Variants in AGTPBP1 observed in about 807,000 individuals in gnomAD.
The protein encoded by AGTPBP1 is cytosolic carboxypeptidase 1.
A neutral mutation model predicts 143.9 loss-of-function variants in AGTPBP1; 70 were observed. That is an observed-to-expected ratio of 0.49 (90% CI 0.40 to 0.59). The LOEUF (loss-of-function observed/expected upper bound fraction) is 0.59, where lower values mean the gene tolerates loss of function less well. Among genes scored for constraint, AGTPBP1 ranks in the 20% least tolerant of loss-of-function variants. The pLI, the probability that AGTPBP1 is intolerant of heterozygous loss-of-function variation, is 0.00. For synonymous variants in AGTPBP1, 463 were observed against 500.2 expected (o/e 0.93, Z 0.99); for missense variants, 1,229 against 1,464.5 (o/e 0.84, Z 2.62).
At chr9:85,603,151 G>A (rs1320609672) in intron 17 of AGTPBP1, among the ~76,000 whole-genome samples, 1 of 152,182 alleles carries the variant, frequency 6.6e-6, no homozygotes, top group African/African-American at 2.4e-5. Context: ...AATGTGGGGT[G>A]CATGTGGCCC....
rs10117619 is a variant in AGTPBP1, at chr9:85,717,676, C to T, written c.-33-5110G>A. ...AGGCTTCATGAATGGGATGAGTATC[C>T]TTTTTTTTTTTTTTTTAATATACTT... is the stretch of plus-strand genomic sequence containing the variant. On this transcript the variant is annotated intron_variant, in intron 1 of 25. Coordinates refer to ENST00000357081, the MANE Select transcript of AGTPBP1 (RefSeq NM_001330701.2). Among the ~76,000 whole-genome samples, 910 of 135,568 alleles carry T rather than the reference C, an allele frequency of 6.7e-3. 10 individuals are homozygous for T. The highest frequency in any genetic ancestry group is 0.023 in the African/African-American group (839 of 37,184). 88.9% of individuals were successfully genotyped at this position (135,568 alleles called of 152,430 possible).
intron 2 of AGTPBP1, among the ~76,000 whole-genome samples, chr9:85,708,856 C>A (rs62570571): frequency 0.015 from 2,256 of 152,222 alleles, 25 homozygotes; most frequent in Middle Eastern, 0.037. Flanking sequence ...ACTTTAAGAA[C>A]TTGCCACAAA....
chr9:85,725,320 T>G (rs1341772730), intron 1 of AGTPBP1, among the ~76,000 whole-genome samples: 3 of 152,214 alleles, frequency 2.0e-5, no homozygotes, highest in Non-Finnish European at 2.9e-5. Flanking sequence ...AAAAAAAATT[T>G]TTTTAACTTT....
intron 17 of AGTPBP1, among the ~76,000 whole-genome samples, chr9:85,609,851 T>C (rs1347512378): frequency 7.7e-6 from 1 of 129,244 alleles, no homozygotes; most frequent in Non-Finnish European, 1.5e-5. Flanking sequence ...ACCCAGTCTA[T>C]ACTGATAATA....
At chr9:85,645,552 C>A (rs1832761534) in intron 12 of AGTPBP1, among the ~76,000 whole-genome samples, 1 of 152,122 alleles carries the variant, frequency 6.6e-6, no homozygotes, top group African/African-American at 2.4e-5. Context: ...AATATCTTAA[C>A]TTCTATCTCC....
chr9:85,768,092 C>T, the AGTPBP1 span, among the ~76,000 whole-genome samples: 1 of 152,224 alleles, frequency 6.6e-6, no homozygotes, highest in South Asian at 2.1e-4. Flanking sequence ...CGTATCTTGT[C>T]AACCTACACC....
chr9:85,692,859 T>G (rs1564151584), intron 2 of AGTPBP1, 46 bp from the exon 3 acceptor site: 1 of 1,590,380 alleles, frequency 6.3e-7, no homozygotes, highest in Non-Finnish European at 8.6e-7. Flanking sequence ...ATCAATGGTG[T>G]AAATTCAATA....
chr9:85,595,665 T>C (rs757625227), intron 18 of AGTPBP1, among the ~76,000 whole-genome samples: 2 of 152,150 alleles, frequency 1.3e-5, no homozygotes, highest in Non-Finnish European at 2.9e-5. Flanking sequence ...TAGCTGGGAT[T>C]ACAGGTGTGC....
At chr9:85,751,488 T>C in the AGTPBP1 span, among the ~76,000 whole-genome samples, 1 of 152,206 alleles carries the variant, frequency 6.6e-6, no homozygotes. Flanking sequence ...TTATCCATCA[T>C]GGACCAGTAA....
the AGTPBP1 span, among the ~76,000 whole-genome samples, chr9:85,757,360 C>T: frequency 7.9e-5 from 12 of 152,096 alleles, 1 homozygote; most frequent in East Asian, 1.4e-3. Flanking sequence ...CCACCATGCC[C>T]GGCCTTGAGT....
chr9:85,755,006 T>C, the AGTPBP1 span, among the ~76,000 whole-genome samples: 1 of 152,214 alleles, frequency 6.6e-6, no homozygotes. Context: ...TAGTTGCTCT[T>C]TCTCTTCCTA....
At chr9:85,764,267 G>A in the AGTPBP1 span, among the ~76,000 whole-genome samples, 72 of 152,066 alleles carry the variant, frequency 4.7e-4, 1 homozygote, top group African/African-American at 1.3e-3. Context: ...GGTGTCTCAC[G>A]TCTGTAATCT....
chr9:85,710,497 G>A (rs951903647), intron 2 of AGTPBP1, among the ~76,000 whole-genome samples: 6 of 152,072 alleles, frequency 3.9e-5, no homozygotes, highest in Admixed American at 3.9e-4. Flanking sequence ...ATTCTTGTAA[G>A]TTCTCTAACA....
the AGTPBP1 span, among the ~76,000 whole-genome samples, chr9:85,776,636 C>A: frequency 1.3e-5 from 2 of 152,118 alleles, no homozygotes; most frequent in Admixed American, 1.3e-4. Context: ...GGTCAGTCAC[C>A]CCAGCCAATA....
intron 3 of AGTPBP1, among the ~76,000 whole-genome samples, chr9:85,691,870 T>G (rs1267871882): frequency 1.3e-5 from 2 of 152,132 alleles, no homozygotes; most frequent in Non-Finnish European, 2.9e-5. Flanking sequence ...ATAAAAAAAG[T>G]CTAATTACAG....
chr9:85,654,339 G>T (rs1178177134), intron 11 of AGTPBP1, among the ~76,000 whole-genome samples: 1 of 151,742 alleles, frequency 6.6e-6, no homozygotes, highest in African/African-American at 2.4e-5. Context: ...GTATTATATG[G>T]AAAATGACAA....
At chr9:85,650,203 ATTAG>A (rs1019423838) in intron 11 of AGTPBP1, among the ~76,000 whole-genome samples, 6 of 152,110 alleles carry the variant, frequency 3.9e-5, no homozygotes, top group Non-Finnish European at 7.4e-5. Flanking sequence ...TTAAGTCAAT[ATTAG>A]TTATTCATAT....
At chr9:85,706,943 T>TA (rs1210601255) in intron 2 of AGTPBP1, among the ~76,000 whole-genome samples, 2,396 of 148,744 alleles carry the variant, frequency 0.016, 22 homozygotes, top group Middle Eastern at 0.06. Context: ...CTATATATTT[T>TA]AAAAAAAAAA....
At chr9:85,611,146 G>A (rs1830288133) in intron 17 of AGTPBP1, among the ~76,000 whole-genome samples, 1 of 135,182 alleles carries the variant, frequency 7.4e-6, no homozygotes, top group Admixed American at 7.9e-5. Context: ...TTGTGGTTTA[G>A]GGGCTTTTCT....
Sources: gnomAD v4.1 joint callset for allele counts (sites outside exome capture counted in the v4.1 genomes callset) on GRCh38, gnomAD v4.1.1 for gene constraint, MANE v1.5 for transcripts, NCBI Gene and HGNC (gene_info 2026-07-23, HGNC 2026-07-21) for gene names.